Variants in DMD observed in about 807,000 individuals in gnomAD.
DMD encodes the protein dystrophin.
Under a neutral mutation model 330.1 loss-of-function variants are expected in DMD, and 63 were observed. That is an observed-to-expected ratio of 0.19 (90% CI 0.16 to 0.24). The LOEUF (loss-of-function observed/expected upper bound fraction) is 0.24. DMD is among the 10% of genes least tolerant of loss of function. DMD has a pLI of 1.00. For synonymous variants in DMD, 1,223 were observed against 959.8 expected, an observed-to-expected ratio of 1.27 and a Z score of -5.07; for missense variants, 3,344 against 2,684.1, an observed-to-expected ratio of 1.25 and a Z score of -5.43.
At chrX:31,218,595 T>C (rs1021255310) in intron 64 of DMD, among the ~76,000 whole-genome samples, 5 of 112,059 alleles carry the variant, frequency 4.5e-5, no homozygotes, top group Non-Finnish European at 9.4e-5. Context: ...CTTGGTTTAC[T>C]TTCATTCATG....
chrX:31,225,400 T>C (rs1242587740), intron 63 of DMD, among the ~76,000 whole-genome samples: 2 of 112,524 alleles, frequency 1.8e-5, no homozygotes, highest in Admixed American at 9.4e-5. Context: ...TGTGTAGTGA[T>C]ATTAGTGGTT....
intron 44 of DMD, among the ~76,000 whole-genome samples, chrX:32,026,794 TC>T (rs1321129784): frequency 3.6e-5 from 4 of 111,999 alleles, no homozygotes; most frequent in African/African-American, 9.7e-5. Context: ...AAATGGGCAT[TC>T]CCATCTGCAA....
chrX:31,266,025 T>C (rs1288073683), intron 62 of DMD, among the ~76,000 whole-genome samples: 2 of 108,464 alleles, frequency 1.8e-5, no homozygotes, highest in Admixed American at 9.8e-5. Context: ...TTGACTAATA[T>C]AAGCAAAGTG....
chrX:31,616,541 G>A (rs1348681587), intron 55 of DMD, among the ~76,000 whole-genome samples: 1 of 111,792 alleles, frequency 8.9e-6, no homozygotes, highest in African/African-American at 3.3e-5. Context: ...TGTTTGAAGA[G>A]GGGAGTCATA....
chrX:33,067,476 CATTT>C (rs765262457), intron 1 of DMD, among the ~76,000 whole-genome samples: 20 of 112,384 alleles, frequency 1.8e-4, no homozygotes, highest in Admixed American at 5.7e-4. Flanking sequence ...CATTTTCATT[CATTT>C]GTTTCATTCA....
chrX:32,281,266 G>A (rs1305895200), intron 43 of DMD, among the ~76,000 whole-genome samples: 2 of 111,776 alleles, frequency 1.8e-5, no homozygotes, highest in Non-Finnish European at 3.8e-5. Context: ...TATCTGACAG[G>A]CTGTACTGGG....
At chrX:31,746,231 C>T (rs1270663455) in intron 51 of DMD, among the ~76,000 whole-genome samples, 1 of 112,035 alleles carries the variant, frequency 8.9e-6, no homozygotes, top group East Asian at 2.8e-4. Flanking sequence ...TGTTACCATT[C>T]GCTGATACTA....
At chrX:31,377,246 T>C (rs1405346377) in intron 60 of DMD, among the ~76,000 whole-genome samples, 1 of 111,714 alleles carries the variant, frequency 9.0e-6, no homozygotes, top group East Asian at 2.8e-4. Context: ...ACTTACTGTG[T>C]ATATTTCCAA....
At chrX:31,553,435 GT>G (rs749071127) in intron 55 of DMD, among the ~76,000 whole-genome samples, 17 of 110,690 alleles carry the variant, frequency 1.5e-4, no homozygotes, top group African/African-American at 5.2e-4. Flanking sequence ...AAGTAATTGC[GT>G]TTTTTTTACC....
At chrX:31,137,299 G>A (rs916380404) in intron 76 of DMD, among the ~76,000 whole-genome samples, 5 of 112,320 alleles carry the variant, frequency 4.5e-5, no homozygotes, top group African/African-American at 1.3e-4. Flanking sequence ...GATTACAGGC[G>A]TGAGCCACCA....
intron 1 of DMD, among the ~76,000 whole-genome samples, chrX:33,111,116 A>G (rs2095336239): frequency 9.0e-6 from 1 of 111,035 alleles, no homozygotes; most frequent in Non-Finnish European, 1.9e-5. Context: ...ATAGGCAACC[A>G]TGAAGTTGAC....
intron 44 of DMD, among the ~76,000 whole-genome samples, chrX:32,072,753 C>G (rs994522206): frequency 1.8e-5 from 2 of 111,770 alleles, no homozygotes; most frequent in African/African-American, 6.5e-5. Context: ...TTTTGATCAT[C>G]TTAGGTAGCC....
At position 32,448,553 on chromosome X, in the gene DMD, G is replaced by A. The variant is rs1402943270; in HGVS notation, c.3689C>T (p.Pro1230Leu). The A allele has an allele frequency of 1.7e-6, 2 of 1,206,893 alleles. No homozygotes were observed. Among genetic ancestry groups the A allele is most frequent in the South Asian group, 1.8e-5 (1 of 56,799 alleles). Residue 1230 changes from proline to leucine, a missense_variant, in exon 27 of 79, where the codon CCT becomes CTT. Coordinates refer to ENST00000357033, the MANE Select transcript of DMD (RefSeq NM_004006.3). ...CTTTTTTAAGGCCTCTTGTGCTACA[G>A]GTGGAGCTTGAGCTATGACACTATT... Reference protein sequence around the residue: ...SVNSVIAQAPPVAQEALKKEL... With the variant: ...SVNSVIAQAPLVAQEALKKEL...
At chrX:32,552,930 G>C (rs933060840) in intron 16 of DMD, among the ~76,000 whole-genome samples, 1 of 111,713 alleles carries the variant, frequency 9.0e-6, no homozygotes, top group East Asian at 2.8e-4. Context: ...TGCTGGCAAG[G>C]TTGCACAGAA....
intron 62 of DMD, among the ~76,000 whole-genome samples, chrX:31,307,615 A>T (rs1420293667): frequency 3.1e-4 from 35 of 111,124 alleles, no homozygotes; most frequent in African/African-American, 1.1e-3. Flanking sequence ...ACCCCAAAAA[A>T]CTATGTGTGA....
intron 45 of DMD, among the ~76,000 whole-genome samples, chrX:31,957,118 T>C (rs1481214296): frequency 9.0e-6 from 1 of 111,157 alleles, no homozygotes; most frequent in African/African-American, 3.3e-5. Flanking sequence ...ATCGCTTGAG[T>C]CCAAGAGTTC....
chrX:32,179,128 C>A (rs2096918475), intron 44 of DMD, among the ~76,000 whole-genome samples: 2 of 110,735 alleles, frequency 1.8e-5, no homozygotes. Flanking sequence ...TAGCTGTGTT[C>A]ATTTAAGCTA....
intron 53 of DMD, among the ~76,000 whole-genome samples, chrX:31,678,979 C>A (rs2148730348): frequency 8.9e-6 from 1 of 111,916 alleles, no homozygotes; most frequent in Non-Finnish European, 1.9e-5. Flanking sequence ...GCCTGTAATC[C>A]TAGTGCTTTG....
chrX:32,802,733 G>C (rs1306815135), intron 7 of DMD, among the ~76,000 whole-genome samples: 1 of 111,968 alleles, frequency 8.9e-6, no homozygotes, highest in Non-Finnish European at 1.9e-5. Context: ...AGATAATCAT[G>C]TGGTTTTTGT....
Sources: allele counts gnomAD v4.1 joint callset (sites outside exome capture counted in the v4.1 genomes callset), GRCh38; gene constraint gnomAD v4.1.1; transcripts MANE v1.5; gene names NCBI Gene and HGNC (gene_info 2026-07-23, HGNC 2026-07-21).